The following CLIP1 variants were observed in gnomAD, a reference collection of about 807,000 sequenced individuals.
CLIP1 encodes the protein CAP-Gly domain containing linker protein 1.
In CLIP1, 66 loss-of-function variants were observed where a neutral mutation model predicts 161.6. The observed-to-expected ratio is 0.41, with a 90% CI of 0.33 to 0.50. CLIP1 has a LOEUF of 0.50. Among genes scored for constraint, CLIP1 ranks in the 20% least tolerant of loss-of-function variants. The pLI, the probability that CLIP1 is intolerant of heterozygous loss-of-function variation, is 0.27. For synonymous variants in CLIP1, 598 were observed against 626.2 expected, an observed-to-expected ratio of 0.96 and a Z score of 0.67; for missense variants, 1,376 against 1,702.0, an observed-to-expected ratio of 0.81 and a Z score of 3.37.
intron 20 of CLIP1, among the ~76,000 whole-genome samples, chr12:122,291,621 G>A (rs1343643358): frequency 6.6e-6 from 1 of 152,084 alleles, no homozygotes; most frequent in Non-Finnish European, 1.5e-5. Flanking sequence ...GTACTTTTTG[G>A]CAGGAACACC....
At chr12:122,319,916 C>T (rs1951419047) in intron 17 of CLIP1, among the ~76,000 whole-genome samples, 1 of 152,110 alleles carries the variant, frequency 6.6e-6, no homozygotes, top group Admixed American at 6.5e-5. Flanking sequence ...AAAAACACGG[C>T]TGTGAATAAA....
intron 1 of CLIP1, among the ~76,000 whole-genome samples, chr12:122,392,195 C>G (rs1365307736): frequency 6.6e-6 from 1 of 152,092 alleles, no homozygotes; most frequent in Non-Finnish European, 1.5e-5. Context: ...GGCTTGAGCC[C>G]ATGAGGCCAA....
Position 122,341,060 on chromosome 12 carries a change from G to C in CLIP1, c.2144C>G (p.Ser715Trp). 6.2e-7 allele frequency: 1 copy of C among 1,613,672 alleles called. No individual in the cohort carries two copies. The highest frequency in any genetic ancestry group is 8.5e-7 in the Non-Finnish European group (1 of 1,180,000). Residue 715 changes from serine to tryptophan, a missense_variant, in exon 11 of 26, where the codon TCG (serine) becomes TGG (tryptophan). Ser to Trp is a radical substitution (Grantham distance 177). Coordinates refer to ENST00000620786, the MANE Select transcript of CLIP1 (RefSeq NM_001247997.2). ...CTGGTCTTCTGCTTTGTCCAGTTTC[G>C]ACCTGATGGCTTCCAGACTGTTTTC... ...EKENSLEAIRSKLDKAEDQHL... is the reference protein window; with the variant it reads ...EKENSLEAIRWKLDKAEDQHL...
intron 3 of CLIP1, among the ~76,000 whole-genome samples, chr12:122,366,680 A>G (rs185856407): frequency 3.1e-4 from 47 of 152,188 alleles, no homozygotes; most frequent in Non-Finnish European, 2.5e-4. Context: ...ATCTCTACTA[A>G]AGATACAAAA....
intron 1 of CLIP1, among the ~76,000 whole-genome samples, chr12:122,414,157 G>T (rs950144629): frequency 6.6e-6 from 1 of 151,524 alleles, no homozygotes; most frequent in African/African-American, 2.4e-5. Context: ...TGTTTTTTTT[G>T]AGACAGGGTC....
In CLIP1 at chr12:122,341,445, CCTT is replaced by C. The variant is rs753645896; in HGVS notation, c.1756_1758del (p.Lys586del). 6.2e-7 allele frequency: 1 copy of C among 1,613,502 alleles called. No homozygotes were observed. Among genetic ancestry groups the C allele is most frequent in the Non-Finnish European group, 8.5e-7 (1 of 1,179,694 alleles). ...GTGGCGGTATACAGAGCCTTTATCT[CCTT>C]CTGATGAGTTTCTTCCCGGGCTCCA... On this transcript the variant is annotated inframe_deletion, in exon 11 of 26. Transcript: ENST00000620786.
intron 9 of CLIP1, among the ~76,000 whole-genome samples, chr12:122,348,082 A>G (rs538723567): frequency 2.0e-5 from 3 of 152,264 alleles, no homozygotes; most frequent in East Asian, 3.9e-4. Flanking sequence ...TCTAGCTCCA[A>G]CTAGAGCTAA....
At chr12:122,419,477 T>C (rs951142346) in intron 1 of CLIP1, among the ~76,000 whole-genome samples, 2 of 151,966 alleles carry the variant, frequency 1.3e-5, no homozygotes, top group African/African-American at 4.8e-5. Flanking sequence ...CCTTGATATA[T>C]CTATTCAAGG....
At position 122,398,981 on chromosome 12, in the gene CLIP1, C is replaced by T. The variant is rs1266863819; in HGVS notation, c.-106-18423G>A. Among the ~76,000 whole-genome samples, 3 of 118,050 alleles carry T rather than the reference C, an allele frequency of 2.5e-5. No individual in the cohort carries two copies. The East Asian group carries it at 7.3e-4, about 29-fold the overall frequency. 77.4% of individuals were successfully genotyped at this position (118,050 alleles called of 152,430 possible). On this transcript the variant is annotated intron_variant, in intron 1 of 25. Transcript: ENST00000620786. ...AAAAACCTTAAGCAATTTACAGAAA[C>T]AAGAGGTTCCACAAAACAAGCAGTT... is the stretch of plus-strand genomic sequence containing the variant.
intron 20 of CLIP1, among the ~76,000 whole-genome samples, chr12:122,292,186 A>G (rs1424063998): frequency 6.7e-6 from 1 of 149,304 alleles, no homozygotes; most frequent in Non-Finnish European, 1.5e-5. Context: ...TTTTTTTAGT[A>G]GAGATGGAGT....
At chr12:122,392,480 A>G (rs1027797891) in intron 1 of CLIP1, among the ~76,000 whole-genome samples, 1 of 152,184 alleles carries the variant, frequency 6.6e-6, no homozygotes, top group Non-Finnish European at 1.5e-5. Context: ...GTGAGTTACC[A>G]GGATCTTGAA....
chr12:122,390,172 G>GATATATATATATATAT (rs71082979), intron 1 of CLIP1, among the ~76,000 whole-genome samples: 46 of 93,522 alleles, frequency 4.9e-4, no homozygotes, highest in South Asian at 8.0e-4. Flanking sequence ...CACAGTCTCA[G>GATATATATATATATAT]ATATATATAT....
chr12:122,309,845 G>A lies in CLIP1; in HGVS notation c.3511C>T (p.Gln1171Ter). ...TTCTCTTCTTGCAACGCTGAAAGCT[G>A]CTGGGACTTCTGAGCTGCTGCCTGC... The part of the protein sequence containing the change: ...LKQAAAQKSQ[Q>*]LSALQEENVK... The change falls in exon 20 of 26, where the codon CAG (glutamine) becomes TAG (stop). Residue 1171 changes from glutamine to a stop codon, truncating the protein, a stop_gained. Transcript: ENST00000620786. LOFTEE classifies it high-confidence loss of function. 6.2e-7 allele frequency: 1 copy of A among 1,614,010 alleles called. No individual in the cohort carries two copies. The highest frequency in any genetic ancestry group is 2.2e-5 in the East Asian group (1 of 44,888).
chr12:122,306,431 A>T (rs1013861798), intron 20 of CLIP1, among the ~76,000 whole-genome samples: 1 of 152,162 alleles, frequency 6.6e-6, no homozygotes, highest in African/African-American at 2.4e-5. Flanking sequence ...CCTGGCTAAA[A>T]ACAAGATACT....
chr12:122,327,938 G>A lies in CLIP1; in HGVS notation c.3249+9C>T, dbSNP rs372051711. 27 of 1,612,706 alleles carry A rather than the reference G, an allele frequency of 1.7e-5. No homozygotes were observed. The highest frequency in any genetic ancestry group is 3.3e-4 in the Middle Eastern group (2 of 6,042). ...CTACAACACAAGGAAATTCTCTCGC[G>A]TCACGTACTTTGGCTTTGTCGGCTT... On this transcript the variant is annotated intron_variant, in intron 17 of 25. Transcript: ENST00000620786.
chr12:122,327,992 C>CA lies in CLIP1; in HGVS notation c.3203dup (p.Leu1068PhefsTer37). 1 of 1,614,164 alleles carries CA rather than the reference C, an allele frequency of 6.2e-7. No homozygotes were observed. Among genetic ancestry groups the CA allele is most frequent in the Non-Finnish European group, 8.5e-7 (1 of 1,180,028 alleles). On this transcript the variant is annotated frameshift_variant, in exon 17 of 26. Coordinates refer to ENST00000620786, the MANE Select transcript of CLIP1 (RefSeq NM_001247997.2). LOFTEE classifies it high-confidence loss of function. Reference sequence around the variant, plus strand: ...TTCTCAGCTCCTCCAGCTCCTGCAGCAAGCCACTGTTCTCCTCCCGTGCGC... The same window carrying CA: ...TTCTCAGCTCCTCCAGCTCCTGCAGCAAAGCCACTGTTCTCCTCCCGTGCGC...
At chr12:122,401,484 G>A (rs763808231) in intron 1 of CLIP1, among the ~76,000 whole-genome samples, 7 of 151,964 alleles carry the variant, frequency 4.6e-5, no homozygotes, top group Non-Finnish European at 8.8e-5. Context: ...TGACCAAAAC[G>A]GCGAAGCCCC....
rs1174740439 is a variant in CLIP1 at position 122,271,702 on chromosome 12, C to T, written c.*1173G>A. ...ATGACTTTTTACATATTCTAGAAGA[C>T]ATTCAAATGAAGATAAATAGATTCA... On this transcript the variant is annotated 3_prime_UTR_variant, in exon 26 of 26. Coordinates refer to ENST00000620786, the MANE Select transcript of CLIP1 (RefSeq NM_001247997.2). The T allele has an allele frequency of 1.3e-5, 2 of 152,604 alleles. No homozygotes were observed. The highest frequency in any genetic ancestry group is 2.9e-5 in the Non-Finnish European group (2 of 68,036). The allele number at this position is 152,604 out of a possible 1,614,324, so 9.5% of individuals were successfully genotyped here.
intron 7 of CLIP1, among the ~76,000 whole-genome samples, chr12:122,353,418 G>A (rs568871838): frequency 1.3e-5 from 2 of 152,250 alleles, no homozygotes; most frequent in East Asian, 3.9e-4. Flanking sequence ...CTTGAGTTCA[G>A]TTTGAGACCA....
Sources: allele counts gnomAD v4.1 joint callset (sites outside exome capture counted in the v4.1 genomes callset), GRCh38; gene constraint gnomAD v4.1.1; transcripts MANE v1.5; gene names NCBI Gene and HGNC (gene_info 2026-07-23, HGNC 2026-07-21).